The following CACNA2D1 variants were observed in gnomAD, a reference collection of about 807,000 sequenced individuals.
CACNA2D1 encodes the protein calcium voltage-gated channel auxiliary subunit alpha2delta 1.
CACNA2D1 carries 53 observed loss-of-function variants against 171.5 expected under a neutral mutation model. The observed-to-expected ratio is 0.31, with a 90% CI of 0.25 to 0.39. The LOEUF (loss-of-function observed/expected upper bound fraction) is 0.39, where lower values mean the gene tolerates loss of function less well. CACNA2D1 is among the 10% of genes least tolerant of loss of function. CACNA2D1 has a pLI of 1.00. For missense variants in CACNA2D1, 903 were observed against 1,299.8 expected, an observed-to-expected ratio of 0.69 and a Z score of 4.69; for synonymous variants, 442 against 443.1, an observed-to-expected ratio of 1.00 and a Z score of 0.03.
intron 18 of CACNA2D1, 45 bp from the exon 19 acceptor site, chr7:81,997,295 A>G (rs376881300): frequency 4.2e-6 from 5 of 1,197,204 alleles, no homozygotes; most frequent in Non-Finnish European, 6.2e-6. Context: ...ACATTATACA[A>G]TGATGCTGTG....
chr7:82,035,151 A>G (rs1419678229), intron 11 of CACNA2D1, among the ~76,000 whole-genome samples: 4 of 152,128 alleles, frequency 2.6e-5, no homozygotes, highest in African/African-American at 9.6e-5. Context: ...TCTGTGTGCC[A>G]GTATATAGCA....
rs570350912 is a variant in CACNA2D1, at chr7:82,282,785, G to A, written c.294+52350C>T. ...TTCCTAAGTAAGAAGACATCTTTGA[G>A]GATATTTCTGATTTGTTTTCCTTTA... On this transcript the variant is annotated intron_variant, in intron 3 of 38. Transcript: ENST00000356860. Among the ~76,000 whole-genome samples, 12 of 152,114 alleles carry A rather than the reference G, an allele frequency of 7.9e-5. No individual in the cohort carries two copies. In the South Asian group the frequency reaches 1.0e-3, roughly 13 times the overall value.
chr7:82,003,602 T>C (rs753997221), intron 18 of CACNA2D1, among the ~76,000 whole-genome samples: 3 of 149,800 alleles, frequency 2.0e-5, no homozygotes, highest in African/African-American at 4.9e-5. Context: ...TTTATATATA[T>C]AGATATATAG....
intron 3 of CACNA2D1, among the ~76,000 whole-genome samples, chr7:82,223,150 C>A (rs1323312375): frequency 6.6e-6 from 1 of 152,042 alleles, no homozygotes; most frequent in Non-Finnish European, 1.5e-5. Flanking sequence ...AAGTGATTCA[C>A]CCACCTTAGC....
intron 4 of CACNA2D1, among the ~76,000 whole-genome samples, chr7:82,149,922 A>T (rs1387374148): frequency 6.6e-6 from 1 of 151,812 alleles, no homozygotes; most frequent in African/African-American, 2.4e-5. Flanking sequence ...GCGCCACTGC[A>T]CTCCAGCCTG....
chr7:82,263,013 A>G (rs768300454), intron 3 of CACNA2D1, among the ~76,000 whole-genome samples: 14 of 150,784 alleles, frequency 9.3e-5, no homozygotes, highest in Non-Finnish European at 5.9e-5. Flanking sequence ...TGGCTGTCCC[A>G]TTCTTCATTG....
intron 1 of CACNA2D1, among the ~76,000 whole-genome samples, chr7:82,371,584 A>AT (rs1386661962): frequency 6.6e-6 from 1 of 151,470 alleles, no homozygotes; most frequent in Non-Finnish European, 1.5e-5. Flanking sequence ...TTATTTTATT[A>AT]TTATTATTAT....
chr7:82,400,772 T>C (rs1585821106), intron 1 of CACNA2D1, among the ~76,000 whole-genome samples: 1 of 150,970 alleles, frequency 6.6e-6, no homozygotes, highest in South Asian at 2.1e-4. Context: ...ACAGGCAACC[T>C]ACAAAATGGG....
chr7:82,403,869 G>A (rs1826731369), intron 1 of CACNA2D1, among the ~76,000 whole-genome samples: 1 of 152,290 alleles, frequency 6.6e-6, no homozygotes, highest in East Asian at 1.9e-4. Flanking sequence ...AAAGACAAAA[G>A]TATTTTTCTA....
At chr7:82,201,556 C>T (rs943054068) in intron 3 of CACNA2D1, among the ~76,000 whole-genome samples, 2 of 152,128 alleles carry the variant, frequency 1.3e-5, no homozygotes, top group South Asian at 2.1e-4. Flanking sequence ...TTATTCAGGT[C>T]CCCTTTACAT....
At chr7:82,361,570 T>G (rs1821080297) in intron 1 of CACNA2D1, among the ~76,000 whole-genome samples, 1 of 152,134 alleles carries the variant, frequency 6.6e-6, no homozygotes, top group Admixed American at 6.6e-5. Flanking sequence ...ATTGCGATCT[T>G]TAATGTATTA....
chr7:82,390,069 T>A (rs149007323), intron 1 of CACNA2D1, among the ~76,000 whole-genome samples: 1 of 152,324 alleles, frequency 6.6e-6, no homozygotes, highest in African/African-American at 2.4e-5. Context: ...TGAGCTCATA[T>A]TCCAGAAATC....
At chr7:82,092,549 T>A (rs938072887) in intron 6 of CACNA2D1, among the ~76,000 whole-genome samples, 4 of 65,590 alleles carry the variant, frequency 6.1e-5, no homozygotes, top group Admixed American at 1.7e-4. Context: ...ACTTTTTTTT[T>A]TTTTTTTTTT....
At chr7:82,130,352 G>A (rs1276484340) in intron 5 of CACNA2D1, among the ~76,000 whole-genome samples, 1 of 152,026 alleles carries the variant, frequency 6.6e-6, no homozygotes, top group Admixed American at 6.6e-5. Context: ...TACTGGTAAA[G>A]TTTCTGCACG....
intron 5 of CACNA2D1, among the ~76,000 whole-genome samples, chr7:82,117,747 C>T (rs1422183821): frequency 6.6e-6 from 1 of 152,140 alleles, no homozygotes; most frequent in Admixed American, 6.5e-5. Context: ...CATCACCACA[C>T]TCTAGCCTGG....
At chr7:81,972,423 A>T (rs945706592) in intron 25 of CACNA2D1, among the ~76,000 whole-genome samples, 37 of 151,942 alleles carry the variant, frequency 2.4e-4, no homozygotes, top group African/African-American at 8.4e-4. Flanking sequence ...AGTAAATAAG[A>T]CTATGAAAAA....
intron 2 of CACNA2D1, among the ~76,000 whole-genome samples, chr7:82,347,380 G>A (rs1194425372): frequency 6.6e-6 from 1 of 152,158 alleles, no homozygotes. Flanking sequence ...TGGTGCCTGT[G>A]TTGGTTCTTG....
chr7:82,074,844 T>C (rs1359034737), intron 7 of CACNA2D1, among the ~76,000 whole-genome samples: 2 of 152,156 alleles, frequency 1.3e-5, no homozygotes, highest in African/African-American at 4.8e-5. Flanking sequence ...GAGAGTGACT[T>C]TGATATTTCC....
At chr7:81,967,964 A>C (rs910905140) in intron 29 of CACNA2D1, among the ~76,000 whole-genome samples, 3 of 151,544 alleles carry the variant, frequency 2.0e-5, no homozygotes, top group African/African-American at 7.3e-5. Context: ...ATATTTTAAG[A>C]TGTTTCCCTA....
Sources: allele counts gnomAD v4.1 joint callset (sites outside exome capture counted in the v4.1 genomes callset), GRCh38; gene constraint gnomAD v4.1.1; transcripts MANE v1.5; gene names NCBI Gene and HGNC (gene_info 2026-07-23, HGNC 2026-07-21).